The following CDH13 variants were observed in gnomAD, a reference collection of about 807,000 sequenced individuals.
The protein encoded by CDH13 is cadherin-13.
Under a neutral mutation model 63.8 loss-of-function variants are expected in CDH13, and 24 were observed. The ratio of observed to expected loss-of-function variants is 0.38; its 90% CI spans 0.27 to 0.53. The LOEUF (loss-of-function observed/expected upper bound fraction) is 0.53. Among genes scored for constraint, CDH13 ranks in the 20% least tolerant of loss-of-function variants. The probability of loss-of-function intolerance (pLI) is 0.85; values close to 1 mark genes in which losing one functional copy is unlikely to be tolerated. For synonymous variants in CDH13, 503 were observed against 355.3 expected (o/e 1.42, Z -4.67); for missense variants, 1,049 against 903.1 (o/e 1.16, Z -2.07).
At chr16:83,203,597 G>A (rs1483889840) in intron 4 of CDH13, among the ~76,000 whole-genome samples, 2 of 126,680 alleles carry the variant, frequency 1.6e-5, no homozygotes, top group African/African-American at 5.9e-5. Context: ...TGAGGCAGGA[G>A]AATGGTGTGA....
At chr16:82,710,279 TTTAA>T (rs1312803231) in intron 1 of CDH13, among the ~76,000 whole-genome samples, 4 of 146,310 alleles carry the variant, frequency 2.7e-5, no homozygotes, top group African/African-American at 9.9e-5. Context: ...ATTTTATATG[TTTAA>T]TTATATATAA....
At chr16:83,212,644 A>T (rs187577032) in intron 4 of CDH13, among the ~76,000 whole-genome samples, 1 of 152,230 alleles carries the variant, frequency 6.6e-6, no homozygotes, top group Non-Finnish European at 1.5e-5. Flanking sequence ...GAGGGCTCCA[A>T]ACAGTAGCGG....
intron 2 of CDH13, among the ~76,000 whole-genome samples, chr16:82,932,565 C>T: frequency 6.6e-6 from 1 of 152,198 alleles, no homozygotes. Flanking sequence ...AAACTATGAT[C>T]TAGCCCGTCC....
At chr16:83,233,374 C>G (rs549055082) in intron 5 of CDH13, among the ~76,000 whole-genome samples, 12 of 152,328 alleles carry the variant, frequency 7.9e-5, no homozygotes, top group Admixed American at 3.3e-4. Flanking sequence ...TGCTACGTCA[C>G]CAGTCCTTGT....
At chr16:83,682,827 G>A (rs140115940) in intron 10 of CDH13, among the ~76,000 whole-genome samples, 211 of 152,172 alleles carry the variant, frequency 1.4e-3, no homozygotes, top group African/African-American at 4.7e-3. Flanking sequence ...ATGAGAGACC[G>A]GGACCCTGAG....
intron 7 of CDH13, among the ~76,000 whole-genome samples, chr16:83,510,158 C>T (rs2074523057): frequency 6.6e-6 from 1 of 152,084 alleles, no homozygotes; most frequent in South Asian, 2.1e-4. Flanking sequence ...AAAAGCAAAA[C>T]AGTGAGATAT....
chr16:83,781,431 G>A (rs1309657731), intron 12 of CDH13, among the ~76,000 whole-genome samples: 1 of 152,152 alleles, frequency 6.6e-6, no homozygotes, highest in Non-Finnish European at 1.5e-5. Flanking sequence ...AACTTTTGAG[G>A]GAGACAGAGA....
chr16:83,724,053 C>T (rs1171111266), intron 10 of CDH13, among the ~76,000 whole-genome samples: 2 of 150,322 alleles, frequency 1.3e-5, no homozygotes, highest in African/African-American at 4.9e-5. Flanking sequence ...GTGGTGAATG[C>T]GTGGGTGAGT....
rs769042044 is a variant in CDH13, at chr16:83,434,169, C to T, written c.782-52308C>T. On this transcript the variant is annotated intron_variant, in intron 6 of 13. Coordinates refer to ENST00000567109, the MANE Select transcript of CDH13 (RefSeq NM_001257.5). ...TAAGCTGAGGTACCACCTTGCCGCT[C>T]AGGTTATTGAGAATTGTCCAGCATC... 2.0e-5 allele frequency among the ~76,000 whole-genome samples: 3 copies of T among 152,238 alleles called. No homozygotes were observed. The South Asian group carries it at 6.2e-4, about 32-fold the overall frequency.
intron 11 of CDH13, among the ~76,000 whole-genome samples, chr16:83,775,847 T>G (rs1465381558): frequency 3.3e-5 from 5 of 152,180 alleles, no homozygotes; most frequent in African/African-American, 1.2e-4. Context: ...TGGTGGAGGC[T>G]GCTGATGGAA....
chr16:82,951,086 A>G (rs1441163644), intron 2 of CDH13, among the ~76,000 whole-genome samples: 3 of 152,078 alleles, frequency 2.0e-5, no homozygotes, highest in African/African-American at 7.2e-5. Flanking sequence ...TCAATCTTCA[A>G]TGGCCAGGGA....
intron 1 of CDH13, among the ~76,000 whole-genome samples, chr16:82,632,671 G>T (rs755331908): frequency 1.3e-5 from 2 of 152,152 alleles, no homozygotes; most frequent in Admixed American, 6.5e-5. Flanking sequence ...ACCAGGGACC[G>T]GTTTCGTGGA....
chr16:83,035,057 T>G (rs780858249), intron 3 of CDH13, among the ~76,000 whole-genome samples: 35 of 151,744 alleles, frequency 2.3e-4, no homozygotes, highest in Non-Finnish European at 4.0e-4. Flanking sequence ...TGTGAAGATG[T>G]GTAGCTGTGT....
intron 4 of CDH13, among the ~76,000 whole-genome samples, chr16:83,183,225 T>C (rs947081613): frequency 2.6e-5 from 4 of 152,224 alleles, no homozygotes; most frequent in African/African-American, 9.6e-5. Context: ...TTATTTGAGA[T>C]AAACACAAAA....
chr16:83,252,240 T>G (rs1905657459), intron 5 of CDH13, among the ~76,000 whole-genome samples: 2 of 148,940 alleles, frequency 1.3e-5, no homozygotes, highest in East Asian at 3.9e-4. Context: ...TTTTTTAGAT[T>G]CTCTTGATGT....
chr16:83,576,781 G>A (rs1179045165), intron 7 of CDH13, among the ~76,000 whole-genome samples: 3 of 152,090 alleles, frequency 2.0e-5, no homozygotes, highest in Non-Finnish European at 4.4e-5. Context: ...ATTTTTTCAT[G>A]TGTTCATTGG....
chr16:83,212,187 C>T (rs146313889), intron 4 of CDH13, among the ~76,000 whole-genome samples: 81 of 152,262 alleles, frequency 5.3e-4, no homozygotes, highest in Admixed American at 1.4e-3. Flanking sequence ...TCTGGAAACA[C>T]ACTTGATTTG....
chr16:83,410,076 C>G (rs887598990), intron 6 of CDH13, among the ~76,000 whole-genome samples: 9 of 152,060 alleles, frequency 5.9e-5, no homozygotes, highest in African/African-American at 2.2e-4. Flanking sequence ...GAGTTCGGGT[C>G]CCTGAGAGTT....
chr16:82,992,889 A>C (rs1044806929), intron 2 of CDH13, among the ~76,000 whole-genome samples: 2 of 152,198 alleles, frequency 1.3e-5, no homozygotes, highest in African/African-American at 4.8e-5. Flanking sequence ...CTGGTTAGGC[A>C]TGTCCTTGGC....
Sources: gnomAD v4.1 joint callset for allele counts (sites outside exome capture counted in the v4.1 genomes callset) on GRCh38, gnomAD v4.1.1 for gene constraint, MANE v1.5 for transcripts, NCBI Gene and HGNC (gene_info 2026-07-23, HGNC 2026-07-21) for gene names.